The following FOXI3 variants were observed in gnomAD, a reference collection of about 807,000 sequenced individuals.
The protein encoded by FOXI3 is forkhead box protein I3.
In FOXI3, 4 loss-of-function variants were observed where a neutral mutation model predicts 15.6. The ratio of observed to expected loss-of-function variants is 0.26; its 90% CI spans 0.13 to 0.59. FOXI3 has a LOEUF of 0.59. Among genes scored for constraint, FOXI3 ranks in the 20% least tolerant of loss-of-function variants. The probability of loss-of-function intolerance (pLI) is 0.90; values close to 1 mark genes in which losing one functional copy is unlikely to be tolerated. For missense variants in FOXI3, 489 were observed against 548.2 expected (o/e 0.89, Z 1.08); for synonymous variants, 238 against 244.4 (o/e 0.97, Z 0.25).
Position 88,452,416 on chromosome 2 carries a change from G to C in FOXI3, c.120C>G (p.Ala40=), listed in dbSNP as rs1676069371. The C allele has an allele frequency of 9.9e-7, 1 of 1,009,564 alleles. No individual in the cohort carries two copies. Among genetic ancestry groups the C allele is most frequent in the Admixed American group, 6.0e-5 (1 of 16,770 alleles). The allele number at this position is 1,009,564 out of a possible 1,614,324, so 62.5% of individuals were successfully genotyped here. ...CGGCGGCCGGCGGCGCGGCGTAGTC[G>C]GCCAGCCCGTAAGGCGCCCTGGCTG... The part of the protein sequence containing the change: ...PPAARAPYGL[A]DYAAPPAAAA... Residue 40 remains alanine, a synonymous_variant, in exon 1 of 2, where the codon GCC becomes GCG. Transcript: ENST00000428390.
chr2:88,451,009 C>T (rs1558611562), intron 1 of FOXI3, among the ~76,000 whole-genome samples: 1 of 152,172 alleles, frequency 6.6e-6, no homozygotes, highest in Non-Finnish European at 1.5e-5. Flanking sequence ...TACACAAAAT[C>T]CTGGATCTCT....
chr2:88,449,839 C>A (rs1336476228), intron 1 of FOXI3, among the ~76,000 whole-genome samples: 2 of 152,126 alleles, frequency 1.3e-5, no homozygotes, highest in Admixed American at 6.5e-5. Flanking sequence ...CAATATAACT[C>A]CTTCCACTTT....
In FOXI3 at chr2:88,448,620, G is replaced by C; in HGVS notation, c.850C>G (p.Pro284Ala). Residue 284 changes from proline to alanine, a missense_variant, in exon 2 of 2, where the codon CCT (proline) becomes GCT (alanine). Pro to Ala is a conservative substitution (Grantham distance 27). Around this residue, in one of 3 missense-constraint regions of FOXI3, gnomAD observed 263 missense variants for 285.5 expected, o/e 0.92. Coordinates refer to ENST00000428390, the MANE Select transcript of FOXI3 (RefSeq NM_001135649.3). ...TCCGGAGGCTCTGGGGAGTGGGAAG[G>C]CCTCAGCAGAGTGGAGGGGCTCTCT... ...EEESPSTLLR[P>A]SHSPEPPEGT... The C allele has an allele frequency of 6.4e-7, 1 of 1,551,680 alleles. No individual in the cohort carries two copies. Among genetic ancestry groups the C allele is most frequent in the Non-Finnish European group, 8.7e-7 (1 of 1,146,986 alleles).
rs776180699 is a variant in FOXI3 at position 88,450,033 on chromosome 2, C to T, written c.641-1204G>A. Reference sequence around the variant, plus strand: ...CCCAGGCTGGAGTACAGTGGCGTAACCTTGGTTCACTGCAGCCTTGACCTC... The same window carrying T: ...CCCAGGCTGGAGTACAGTGGCGTAATCTTGGTTCACTGCAGCCTTGACCTC... On this transcript the variant is annotated intron_variant, in intron 1 of 1. Transcript: ENST00000428390. 5.9e-5 allele frequency among the ~76,000 whole-genome samples: 9 copies of T among 152,186 alleles called. No homozygotes were observed. The South Asian group carries it at 6.2e-4, about 11-fold the overall frequency.
Position 88,448,182 on chromosome 2 carries a change from G to A in FOXI3, c.*25C>T. ...CAGCATGTGTGCACGCCTCAGGTGT[G>A]CATACTCAAGTCTGAGAGTCTGCTC... On this transcript the variant is annotated 3_prime_UTR_variant, in exon 2 of 2. Transcript: ENST00000428390. 6.5e-7 allele frequency: 1 copy of A among 1,543,262 alleles called. No homozygotes were observed. The highest frequency in any genetic ancestry group is 8.8e-7 in the Non-Finnish European group (1 of 1,141,262).
chr2:88,451,890 C>T lies in FOXI3; in HGVS notation c.640+6G>A. 6.2e-7 allele frequency: 1 copy of T among 1,612,220 alleles called. No individual in the cohort carries two copies. Among genetic ancestry groups the T allele is most frequent in the Non-Finnish European group, 8.5e-7 (1 of 1,179,208 alleles). On this transcript the variant is annotated splice_donor_region_variant and intron_variant, in intron 1 of 1. Coordinates refer to ENST00000428390, the MANE Select transcript of FOXI3 (RefSeq NM_001135649.3). ...CGGCTGGGAAGCACCTGCCAGCGGC[C>T]CTCACCTGGGTCGTCCTCGTCGCGG...
intron 1 of FOXI3, among the ~76,000 whole-genome samples, chr2:88,449,247 C>T (rs555948574): frequency 2.0e-4 from 31 of 151,982 alleles, no homozygotes; most frequent in African/African-American, 7.5e-4. Flanking sequence ...AAAATTGAGC[C>T]TCCGTTTCTT....
rs748354978 is a variant in FOXI3 at position 88,452,053 on chromosome 2, C to A, written c.483G>T (p.Ala161=). 8 of 1,590,240 alleles carry A rather than the reference C, an allele frequency of 5.0e-6. No homozygotes were observed. Among genetic ancestry groups the A allele is most frequent in the Middle Eastern group, 3.3e-4 (2 of 6,060 alleles). ...SALIAMAIQS[A]PERKLTLSHI... ...GGCTGAGAGTGAGTTTGCGCTCGGG[C>A]GCGCTCTGAATGGCCATGGCGATGA... The change falls in exon 1 of 2, where the codon GCG becomes GCT. Residue 161 remains alanine (A), a synonymous_variant. Transcript: ENST00000428390.
rs538725621 is a variant in FOXI3, at chr2:88,447,950, A to C, written c.*257T>G. 278 of 536,122 alleles carry C rather than the reference A, an allele frequency of 5.2e-4. 1 individual carries two copies. The highest frequency in any genetic ancestry group is 5.0e-3 in the African/African-American group (263 of 52,976). The allele number at this position is 536,122 out of a possible 1,614,324, so 33.2% of individuals were successfully genotyped here. On this transcript the variant is annotated 3_prime_UTR_variant, in exon 2 of 2. Coordinates refer to ENST00000428390, the MANE Select transcript of FOXI3 (RefSeq NM_001135649.3). ...TCACGGGGCTCACAGGCTACCTATC[A>C]CAGAAGACAGTGAAACGGATTTCTC...
chr2:88,452,459 G>A lies in FOXI3; in HGVS notation c.77C>T (p.Ala26Val). 1.3e-5 allele frequency: 14 copies of A among 1,063,446 alleles called. No individual in the cohort carries two copies. The highest frequency in any genetic ancestry group is 1.7e-5 in the African/African-American group (1 of 58,514). The allele number at this position is 1,063,446 out of a possible 1,614,324, so 65.9% of individuals were successfully genotyped here. Residue 26 changes from alanine (A) to valine (V), a missense_variant, in exon 1 of 2, where the codon GCC (alanine) becomes GTC (valine). Ala to Val is a moderately conservative substitution (Grantham distance 64, BLOSUM62 0). Around this residue, in one of 3 missense-constraint regions of FOXI3, gnomAD observed 224 missense variants for 245.7 expected, o/e 0.91. Coordinates refer to ENST00000428390, the MANE Select transcript of FOXI3 (RefSeq NM_001135649.3). ...GLPPPAATAA[A>V]PGAPPAARAP... ...CCTGGCTGCCGGGGGGGCGCCCGGGGCGGCGGCGGTGGCGGCGGGCGGGGG... is the reference window on the plus strand; with the variant it reads ...CCTGGCTGCCGGGGGGGCGCCCGGGACGGCGGCGGTGGCGGCGGGCGGGGG...
At position 88,448,163 on chromosome 2, in the gene FOXI3, G is replaced by A. The variant is rs1013564556; in HGVS notation, c.*44C>T. The A allele has an allele frequency of 1.3e-5, 20 of 1,498,678 alleles. No individual in the cohort carries two copies. The highest frequency in any genetic ancestry group is 1.7e-5 in the Non-Finnish European group (19 of 1,107,784). 92.8% of individuals were successfully genotyped at this position (1,498,678 alleles called of 1,614,324 possible). The stretch of plus-strand genomic sequence containing the variant: ...TTGGAATCTGCATTCTAATCAGCAT[G>A]TGTGCACGCCTCAGGTGTGCATACT... On this transcript the variant is annotated 3_prime_UTR_variant, in exon 2 of 2. Coordinates refer to ENST00000428390, the MANE Select transcript of FOXI3 (RefSeq NM_001135649.3).
chr2:88,452,649 C>A lies in FOXI3; in HGVS notation c.-114G>T. On this transcript the variant is annotated 5_prime_UTR_variant, in exon 1 of 2. Transcript: ENST00000428390. ...GCCAACCCTGCGGCTCCGCCTTCAC[C>A]CGCGCTGGGCGCCCGGTGCTCCGGG... The A allele has an allele frequency of 1.7e-6, 1 of 585,350 alleles. No individual in the cohort carries two copies. The highest frequency in any genetic ancestry group is 2.2e-6 in the Non-Finnish European group (1 of 453,224). The allele number at this position is 585,350 out of a possible 1,614,324, so 36.3% of individuals were successfully genotyped here. A position where few individuals can be genotyped will look rare whatever the true frequency, so the allele number is the denominator to read the frequency against.
intron 1 of FOXI3, among the ~76,000 whole-genome samples, chr2:88,450,323 GGGAGGCTAA>G (rs1676020053): frequency 6.6e-6 from 1 of 151,984 alleles, no homozygotes; most frequent in East Asian, 1.9e-4. Flanking sequence ...CCAGCTACTT[GGGAGGCTAA>G]GGCAGCAAAA....
At chr2:88,448,876 C>T in intron 1 of FOXI3, 47 bp from the exon 2 acceptor site, 1 of 1,497,154 alleles carries the variant, frequency 6.7e-7, no homozygotes, top group Admixed American at 2.3e-5. Flanking sequence ...TATTCAATGC[C>T]TGTGTACTCA....
At chr2:88,448,964 T>G in intron 1 of FOXI3, 135 bp from the exon 2 acceptor site, 1 of 1,100,186 alleles carries the variant, frequency 9.1e-7, no homozygotes, top group Admixed American at 2.9e-5. Context: ...TTCAAACCAA[T>G]CCTCTTTCGG....
At position 88,448,014 on chromosome 2, in the gene FOXI3, C is replaced by T. The variant is rs933698214; in HGVS notation, c.*193G>A. The T allele has an allele frequency of 5.5e-5, 33 of 596,724 alleles. 1 individual carries two copies. In the Admixed American group the frequency reaches 6.2e-4, roughly 11 times the overall value. 37.0% of individuals were successfully genotyped at this position (596,724 alleles called of 1,614,324 possible). On this transcript the variant is annotated 3_prime_UTR_variant, in exon 2 of 2. Transcript: ENST00000428390. ...ACATGCAGAGAAACCTGTAAAAGCT[C>T]GCTGGGTTGTAGCAAGAGTTATCTA...
rs1318915062 is a variant in FOXI3 at position 88,452,417 on chromosome 2, G to A, written c.119C>T (p.Ala40Val). 3 of 1,010,868 alleles carry A rather than the reference G, an allele frequency of 3.0e-6. No individual in the cohort carries two copies. Among genetic ancestry groups the A allele is most frequent in the Non-Finnish European group, 3.5e-6 (3 of 848,556 alleles). 62.6% of individuals were successfully genotyped at this position (1,010,868 alleles called of 1,614,324 possible). A position where few individuals can be genotyped will look rare whatever the true frequency, so the allele number is the denominator to read the frequency against. The change falls in exon 1 of 2, where the codon GCC becomes GTC. Residue 40 changes from alanine to valine, a missense_variant. This residue lies in a region of FOXI3 where 224 missense variants were observed against 245.7 expected (regional missense o/e 0.91). Transcript: ENST00000428390. ...PPAARAPYGLADYAAPPAAAA... is the reference protein window; with the variant it reads ...PPAARAPYGLVDYAAPPAAAA... ...GGCGGCCGGCGGCGCGGCGTAGTCG[G>A]CCAGCCCGTAAGGCGCCCTGGCTGC... is the stretch of plus-strand genomic sequence containing the variant.
chr2:88,447,936 A>C lies in FOXI3; in HGVS notation c.*271T>G. On this transcript the variant is annotated 3_prime_UTR_variant, in exon 2 of 2. Transcript: ENST00000428390. ...CATGGTCCCCGCCCTCACGGGGCTC[A>C]CAGGCTACCTATCACAGAAGACAGT... 3 of 509,330 alleles carry C rather than the reference A, an allele frequency of 5.9e-6. No homozygotes were observed. Among genetic ancestry groups the C allele is most frequent in the Non-Finnish European group, 3.5e-6 (1 of 283,146 alleles). 31.6% of individuals were successfully genotyped at this position (509,330 alleles called of 1,614,324 possible). A position where few individuals can be genotyped will look rare whatever the true frequency, so the allele number is the denominator to read the frequency against.
Position 88,452,002 on chromosome 2 carries a change from G to A in FOXI3, c.534C>T (p.Ser178=). 1 of 1,610,946 alleles carries A rather than the reference G, an allele frequency of 6.2e-7. No homozygotes were observed. The highest frequency in any genetic ancestry group is 1.1e-5 in the South Asian group (1 of 90,580). ...LSHIYQFVAD[S]FPFYQRSKAG... is the part of the protein sequence containing the mutation. ...CCTTGCTGCGCTGGTAGAAGGGGAA[G>A]CTATCGGCGACGAACTGGTAGATGT... Residue 178 remains serine (S), a synonymous_variant, in exon 1 of 2, where the codon AGC becomes AGT. Coordinates refer to ENST00000428390, the MANE Select transcript of FOXI3 (RefSeq NM_001135649.3).
Sources: gnomAD v4.1 joint callset for allele counts (sites outside exome capture counted in the v4.1 genomes callset) on GRCh38, gnomAD v4.1.1 for gene constraint, gnomAD v4.1.1 regional missense constraint, MANE v1.5 for transcripts, NCBI Gene and HGNC (gene_info 2026-07-23, HGNC 2026-07-21) for gene names.